The following IBTK variants were observed in gnomAD, a reference collection of about 807,000 sequenced individuals.
The protein encoded by IBTK is BTK-binding protein.
Under a neutral mutation model 154.9 loss-of-function variants are expected in IBTK, and 83 were observed. The observed-to-expected ratio is 0.54, with a 90% confidence interval of 0.45 to 0.64. IBTK has a LOEUF of 0.64. IBTK is among the 30% of genes least tolerant of loss of function. The pLI is 0.00. For missense variants in IBTK, 1,332 were observed against 1,584.6 expected, an observed-to-expected ratio of 0.84 and a Z score of 2.71; for synonymous variants, 515 against 536.1, an observed-to-expected ratio of 0.96 and a Z score of 0.54.
chr6:82,191,646 A>AG (rs1562077937), intron 24 of IBTK, 141 bp downstream of exon 24: 4 of 710,386 alleles, frequency 5.6e-6, no homozygotes, highest in Non-Finnish European at 1.0e-5. Context: ...AATATTATGG[A>AG]GGCTAAATTG....
intron 3 of IBTK, 88 bp downstream of exon 3, chr6:82,234,071 T>C (rs1416987420): frequency 2.0e-6 from 1 of 495,542 alleles, no homozygotes; most frequent in African/African-American, 2.0e-5. Flanking sequence ...ACTCCTGACC[T>C]GAAGTGATCC....
chr6:82,182,266 A>C (rs1321115245), intron 25 of IBTK, among the ~76,000 whole-genome samples: 3 of 152,162 alleles, frequency 2.0e-5, no homozygotes, highest in African/African-American at 7.2e-5. Flanking sequence ...AGCAATATTA[A>C]AATAGCTATT....
chr6:82,177,127 C>T lies in IBTK; in HGVS notation c.3726-3689G>A, dbSNP rs115076737. ...CATGCTCAGTTTTTCTTCTCAGAAC[C>T]ACTCATTTGGTACTTCATCATATTG... is the stretch of plus-strand genomic sequence containing the variant. On this transcript the variant is annotated intron_variant, in intron 26 of 28. Transcript: ENST00000306270. 5.1e-3 allele frequency among the ~76,000 whole-genome samples: 773 copies of T among 152,252 alleles called. 12 individuals are homozygous for T. Among genetic ancestry groups the T allele is most frequent in the African/African-American group, 0.018 (730 of 41,560 alleles).
At chr6:82,182,072 A>G in intron 25 of IBTK, 44 bp from the exon 26 acceptor site, 1 of 1,557,972 alleles carries the variant, frequency 6.4e-7, no homozygotes, top group South Asian at 1.2e-5. Context: ...CCATTTTGTA[A>G]AAGGGCATTG....
chr6:82,223,732 G>A (rs1770185765), intron 7 of IBTK, 112 bp from the exon 8 acceptor site: 2 of 848,024 alleles, frequency 2.4e-6, no homozygotes, highest in Admixed American at 5.2e-5. Flanking sequence ...GCCAAGGTGG[G>A]CAGATCCCTT....
rs563129734 is a variant in IBTK at position 82,218,382 on chromosome 6, C to T, written c.1249-245G>A. 7.2e-5 allele frequency among the ~76,000 whole-genome samples: 11 copies of T among 152,214 alleles called. No homozygotes were observed. In the South Asian group the frequency reaches 2.3e-3, roughly 32 times the overall value. On this transcript the variant is annotated intron_variant, in intron 9 of 28. Transcript: ENST00000306270. ...ATTAGAAATTATTTCAAAGGCACTC[C>T]TCTTAAGAAGTAGCAATTTCCAGTA...
chr6:82,227,759 C>CAAAAAA (rs1770348273), intron 4 of IBTK, among the ~76,000 whole-genome samples: 2 of 151,890 alleles, frequency 1.3e-5, no homozygotes, highest in Admixed American at 1.3e-4. Context: ...AACAATAAAG[C>CAAAAAA]CATTTATACA....
chr6:82,200,561 G>GAAA, intron 20 of IBTK, 26 bp downstream of exon 20: 6 of 1,074,364 alleles, frequency 5.6e-6, no homozygotes, highest in South Asian at 1.8e-5. Flanking sequence ...AGGAGGAAAA[G>GAAA]AAAAAAAAAA....
intron 1 of IBTK, among the ~76,000 whole-genome samples, chr6:82,245,396 A>G (rs954594960): frequency 2.6e-5 from 4 of 151,684 alleles, no homozygotes. Context: ...CATCGCTACA[A>G]AAAAAAATAC....
intron 16 of IBTK, among the ~76,000 whole-genome samples, chr6:82,207,368 A>G (rs1769453886): frequency 6.6e-6 from 1 of 151,960 alleles, no homozygotes; most frequent in African/African-American, 2.4e-5. Flanking sequence ...ATTTTTAACT[A>G]AGAAAGAGCA....
chr6:82,217,879 C>T, intron 10 of IBTK, 81 bp downstream of exon 10: 1 of 915,144 alleles, frequency 1.1e-6, no homozygotes, highest in Non-Finnish European at 1.6e-6. Flanking sequence ...CCTAATAACA[C>T]TTGTCAGTTG....
Position 82,189,297 on chromosome 6 carries a change from GA to G in IBTK, c.3575+1775del, listed in dbSNP as rs772151074. Among the ~76,000 whole-genome samples, 16 of 150,258 alleles carry G rather than the reference GA, an allele frequency of 1.1e-4. No homozygotes were observed. The East Asian group carries it at 1.9e-3, about 18-fold the overall frequency. On this transcript the variant is annotated intron_variant, in intron 25 of 28. Coordinates refer to ENST00000306270, the MANE Select transcript of IBTK (RefSeq NM_015525.4). ...AGAAAAGATCCTGTAAACTTTCAGG[GA>G]AAAAAAAAGTGGAGAAGAAAACAGG...
chr6:82,220,632 C>A lies in IBTK; in HGVS notation c.1206G>T (p.Gly402=). Residue 402 remains glycine, a synonymous_variant, in exon 9 of 29, where the codon GGG becomes GGT. Coordinates refer to ENST00000306270, the MANE Select transcript of IBTK (RefSeq NM_015525.4). The part of the protein sequence containing the change: ...KVDPEHLKEN[G]GQKICILAMD... The stretch of plus-strand genomic sequence containing the variant: ...TTGCAAGAATGCAAATTTTTTGACC[C>A]CCATTTTCTTTCAAATGTTCAGGAT... The A allele has an allele frequency of 2.5e-6, 4 of 1,612,060 alleles. No individual in the cohort carries two copies. The highest frequency in any genetic ancestry group is 3.4e-6 in the Non-Finnish European group (4 of 1,179,294).
chr6:82,191,243 T>C (rs1168110405), intron 24 of IBTK, 27 bp from the exon 25 acceptor site: 2 of 1,571,792 alleles, frequency 1.3e-6, no homozygotes, highest in Non-Finnish European at 1.7e-6. Flanking sequence ...TTAGTTTCAG[T>C]GGTTTCTTCT....
intron 28 of IBTK, 89 bp downstream of exon 28, chr6:82,172,291 G>A (rs529938979): frequency 1.7e-4 from 233 of 1,337,374 alleles, no homozygotes; most frequent in Non-Finnish European, 2.3e-4. Flanking sequence ...ACAAGCACCT[G>A]TCCAAAACAA....
chr6:82,240,091 T>A, intron 2 of IBTK, 75 bp downstream of exon 2: 6 of 1,273,712 alleles, frequency 4.7e-6, no homozygotes, highest in East Asian at 2.4e-5. Context: ...CCAAAAAGCA[T>A]GTAGGATGTA....
intron 24 of IBTK, 94 bp from the exon 25 acceptor site, chr6:82,191,310 A>G (rs1332517753): frequency 2.1e-6 from 2 of 967,144 alleles, no homozygotes; most frequent in Admixed American, 2.8e-5. Context: ...AATTAACATT[A>G]ATTTCTGCTT....
chr6:82,220,856 T>G, intron 8 of IBTK, 143 bp from the exon 9 acceptor site: 5 of 682,816 alleles, frequency 7.3e-6, no homozygotes, highest in Non-Finnish European at 9.3e-6. Flanking sequence ...TTGGTATCTC[T>G]AGCCTTCCAT....
intron 1 of IBTK, among the ~76,000 whole-genome samples, chr6:82,244,372 T>C (rs1771065824): frequency 6.6e-6 from 1 of 152,248 alleles, no homozygotes; most frequent in South Asian, 2.1e-4. Flanking sequence ...TTTCAATTCT[T>C]ACTTGCCTTC....
Sources: gnomAD v4.1 joint callset for allele counts (sites outside exome capture counted in the v4.1 genomes callset) on GRCh38, gnomAD v4.1.1 for gene constraint, MANE v1.5 for transcripts, NCBI Gene and HGNC (gene_info 2026-07-23, HGNC 2026-07-21) for gene names.